MIPEP: variants seen among roughly 807,000 people sequenced by gnomAD.
MIPEP encodes mitochondrial intermediate peptidase.
In MIPEP, 79 loss-of-function variants were observed where a neutral mutation model predicts 90.3. That is an observed-to-expected ratio of 0.87 (90% CI 0.73 to 1.05). The LOEUF is 1.05. Ranked by LOEUF, MIPEP falls within the 50% of genes least tolerant of loss-of-function variation. The pLI is 0.00. For synonymous variants in MIPEP, 334 were observed against 315.8 expected (o/e 1.06, Z -0.61); for missense variants, 940 against 905.6 (o/e 1.04, Z -0.49).
intron 1 of MIPEP, among the ~76,000 whole-genome samples, chr13:23,887,618 C>T (rs1407749400): frequency 6.6e-6 from 1 of 152,128 alleles, no homozygotes; most frequent in Admixed American, 6.5e-5. Flanking sequence ...ATTTCTTTAA[C>T]CAGCTATCCA....
At chr13:23,741,119 T>C (rs1195195183) in intron 18 of MIPEP, among the ~76,000 whole-genome samples, 1 of 152,148 alleles carries the variant, frequency 6.6e-6, no homozygotes, top group African/African-American at 2.4e-5. Flanking sequence ...CACAATGAGA[T>C]ACCATTGTAC....
chr13:23,824,791 C>G (rs1953346914), intron 14 of MIPEP, among the ~76,000 whole-genome samples: 1 of 152,206 alleles, frequency 6.6e-6, no homozygotes, highest in African/African-American at 2.4e-5. Flanking sequence ...TTTTCACTTA[C>G]TTTTAAGTAG....
At chr13:23,762,344 C>T (rs1428701252) in intron 16 of MIPEP, among the ~76,000 whole-genome samples, 1 of 152,160 alleles carries the variant, frequency 6.6e-6, no homozygotes, top group Non-Finnish European at 1.5e-5. Context: ...TACTTCATCA[C>T]AGGAACGTGG....
At position 23,886,803 on chromosome 13, in the gene MIPEP, C is replaced by T. The variant is rs1871502514; in HGVS notation, c.190-297G>A. 6.0e-5 allele frequency among the ~76,000 whole-genome samples: 9 copies of T among 150,864 alleles called. 1 individual carries two copies. In the South Asian group the frequency reaches 1.5e-3, roughly 25 times the overall value. ...CACTTCTACAGAACCTAAGAGTGGC[C>T]GCAAAGATTAAATGAGATCATATAT... is the stretch of plus-strand genomic sequence containing the variant. On this transcript the variant is annotated intron_variant, in intron 1 of 18. Transcript: ENST00000382172.
intron 13 of MIPEP, 40 bp downstream of exon 13, chr13:23,837,512 T>C (rs1261553945): frequency 1.4e-6 from 2 of 1,421,966 alleles, no homozygotes; most frequent in East Asian, 4.6e-5. Flanking sequence ...TGTATGTTTG[T>C]AAAGGACTGT....
intron 14 of MIPEP, among the ~76,000 whole-genome samples, chr13:23,831,067 A>C (rs1446807375): frequency 1.3e-5 from 2 of 152,154 alleles, no homozygotes; most frequent in Admixed American, 6.6e-5. Flanking sequence ...TGGGGCAACC[A>C]AGCATCTGGA....
chr13:23,821,054 C>T (rs1953299775), intron 14 of MIPEP, among the ~76,000 whole-genome samples: 1 of 152,220 alleles, frequency 6.6e-6, no homozygotes, highest in South Asian at 2.1e-4. Context: ...TCTTTTTCCA[C>T]AGTGAAGAGG....
Position 23,869,415 on chromosome 13 carries a change from G to T in MIPEP, c.820C>A (p.Pro274Thr), listed in dbSNP as rs759723618. 2.5e-6 allele frequency: 4 copies of T among 1,604,614 alleles called. No individual in the cohort carries two copies. Among genetic ancestry groups the T allele is most frequent in the Non-Finnish European group, 3.4e-6 (4 of 1,177,862 alleles). Reference protein sequence around the residue: ...REAAYKIFLYPNAGQLKCLEE... With the variant: ...REAAYKIFLYTNAGQLKCLEE... ...AAACATTTCAATTGACCAGCATTGG[G>T]ATAAAGAAAAATTTTATAAGCAGCT... is the stretch of plus-strand genomic sequence containing the variant. Residue 274 changes from proline (P) to threonine (T), a missense_variant, in exon 7 of 19, where the codon CCC (proline) becomes ACC (threonine). Transcript: ENST00000382172.
intron 10 of MIPEP, among the ~76,000 whole-genome samples, chr13:23,855,769 G>A (rs974126451): frequency 2.0e-5 from 3 of 152,036 alleles, no homozygotes; most frequent in African/African-American, 7.2e-5. Context: ...CCTTTTCCTG[G>A]TTCTTTTACT....
chr13:23,822,377 A>G (rs944396735), intron 14 of MIPEP, among the ~76,000 whole-genome samples: 2 of 152,220 alleles, frequency 1.3e-5, no homozygotes, highest in Admixed American at 6.5e-5. Flanking sequence ...ATAAACTAAA[A>G]AGAACTGACT....
intron 7 of MIPEP, among the ~76,000 whole-genome samples, chr13:23,867,682 T>C (rs1302048574): frequency 6.6e-6 from 1 of 152,178 alleles, no homozygotes; most frequent in African/African-American, 2.4e-5. Context: ...TCAGTAAATA[T>C]TTGCTGAATT....
rs1408067328 is a variant in MIPEP, at chr13:23,870,012, C to G, written c.786+1G>C. The G allele has an allele frequency of 1.3e-6, 2 of 1,584,340 alleles. No individual in the cohort carries two copies. The highest frequency in any genetic ancestry group is 2.7e-5 in the African/African-American group (2 of 73,824). ...CAACAAAGAGAATGAAACATACATA[C>G]CAAGTCATCTGGTGATTCTGCGTGG... is the stretch of plus-strand genomic sequence containing the variant. On this transcript the variant is annotated splice_donor_variant, in intron 6 of 18. Coordinates refer to ENST00000382172, the MANE Select transcript of MIPEP (RefSeq NM_005932.4). LOFTEE classifies it high-confidence loss of function.
chr13:23,773,077 C>G (rs973887383), intron 16 of MIPEP, among the ~76,000 whole-genome samples: 1 of 152,192 alleles, frequency 6.6e-6, no homozygotes, highest in Non-Finnish European at 1.5e-5. Flanking sequence ...GTCACTAACT[C>G]CAGCACATTT....
At position 23,836,351 on chromosome 13, in the gene MIPEP, T is replaced by TA; in HGVS notation, c.1544-3dup. On this transcript the variant is annotated splice_region_variant and splice_polypyrimidine_tract_variant and intron_variant, in intron 13 of 18. Coordinates refer to ENST00000382172, the MANE Select transcript of MIPEP (RefSeq NM_005932.4). The stretch of plus-strand genomic sequence containing the variant: ...CAAAATCAGTAGGGCACCTGGTCCC[T>TA]AAAACAAGAAAAAAAAAAAAGTTGG... The TA allele has an allele frequency of 6.5e-7, 1 of 1,543,518 alleles. No individual in the cohort carries two copies.
intron 16 of MIPEP, among the ~76,000 whole-genome samples, chr13:23,804,999 C>A (rs6490826): frequency 0.37 from 56,086 of 151,950 alleles, 11,334 homozygotes; most frequent in African/African-American, 0.55. Flanking sequence ...AGAAAAACAC[C>A]GAGCTGAGAG....
At position 23,858,937 on chromosome 13, in the gene MIPEP, A is replaced by G. The variant is rs532598454; in HGVS notation, c.1054-25T>C. 5 of 1,602,202 alleles carry G rather than the reference A, an allele frequency of 3.1e-6. No individual in the cohort carries two copies. The South Asian group carries it at 5.5e-5, about 18-fold the overall frequency. Reference sequence around the variant, plus strand: ...CCTACAATGGAATAATTCACTGTTAAGGAAAGCTACTGACTCTTTCATAGT... The same window carrying G: ...CCTACAATGGAATAATTCACTGTTAGGGAAAGCTACTGACTCTTTCATAGT... On this transcript the variant is annotated intron_variant, in intron 9 of 18. Coordinates refer to ENST00000382172, the MANE Select transcript of MIPEP (RefSeq NM_005932.4).
In MIPEP at chr13:23,833,769, C is replaced by A. The variant is rs185678505; in HGVS notation, c.1653+2471G>T. On this transcript the variant is annotated intron_variant, in intron 14 of 18. Transcript: ENST00000382172. ...ACTACTGTGCAAGGCTCCTGGTCCTCTTGTGTAGTCACCCCCGCGTGTGTG... is the reference window on the plus strand; with the variant it reads ...ACTACTGTGCAAGGCTCCTGGTCCTATTGTGTAGTCACCCCCGCGTGTGTG... Among the ~76,000 whole-genome samples, 321 of 152,302 alleles carry A rather than the reference C, an allele frequency of 2.1e-3. 2 individuals carry two copies. Among genetic ancestry groups the A allele is most frequent in the African/African-American group, 7.4e-3 (307 of 41,548 alleles).
At chr13:23,863,625 A>G (rs1870405545) in intron 8 of MIPEP, among the ~76,000 whole-genome samples, 1 of 152,194 alleles carries the variant, frequency 6.6e-6, no homozygotes, top group Non-Finnish European at 1.5e-5. Context: ...AATCCAAAAC[A>G]TGTGTGGTCC....
At position 23,828,557 on chromosome 13, in the gene MIPEP, T is replaced by C. The variant is rs568469554; in HGVS notation, c.1653+7683A>G. 3.3e-5 allele frequency among the ~76,000 whole-genome samples: 5 copies of C among 152,310 alleles called. No individual in the cohort carries two copies. The East Asian group carries it at 9.6e-4, about 29-fold the overall frequency. ...CAGTAACAAACAATCTGAATATATA[T>C]ACTGCTTATAGTATCAAAAAGGAAG... On this transcript the variant is annotated intron_variant, in intron 14 of 18. Coordinates refer to ENST00000382172, the MANE Select transcript of MIPEP (RefSeq NM_005932.4).
Sources: allele counts gnomAD v4.1 joint callset (sites outside exome capture counted in the v4.1 genomes callset), GRCh38; gene constraint gnomAD v4.1.1; transcripts MANE v1.5; gene names NCBI Gene and HGNC (gene_info 2026-07-23, HGNC 2026-07-21).